Variants in PRPS2 observed in about 807,000 individuals in gnomAD.
PRPS2 encodes phosphoribosyl pyrophosphate synthetase 2.
For missense variants in PRPS2, 104 were observed against 271.5 expected (o/e 0.38, Z 4.34); for synonymous variants, 111 against 115.3 (o/e 0.96, Z 0.24).
intron 2 of PRPS2, among the ~76,000 whole-genome samples, chrX:12,803,624 A>G (rs768763333): frequency 8.9e-6 from 1 of 112,524 alleles, no homozygotes; most frequent in South Asian, 3.7e-4. Context: ...ATGAGGTAGC[A>G]TCTAGTGTTC....
At chrX:12,818,366 CAAAAAAAAAAAA>C (rs35450855) in intron 4 of PRPS2, among the ~76,000 whole-genome samples, 17 of 62,920 alleles carry the variant, frequency 2.7e-4, no homozygotes, top group Non-Finnish European at 5.0e-4. Flanking sequence ...GAAACTGTCT[CAAAAAAAAAAAA>C]AAAAAAGAAA....
intron 2 of PRPS2, among the ~76,000 whole-genome samples, chrX:12,802,407 C>T (rs2042574670): frequency 9.0e-6 from 1 of 111,685 alleles, no homozygotes; most frequent in Admixed American, 9.6e-5. Context: ...GCAGTGGTGC[C>T]GTCTCAGCTC....
intron 4 of PRPS2, among the ~76,000 whole-genome samples, chrX:12,814,034 G>T (rs2042635995): frequency 3.0e-5 from 3 of 100,795 alleles, no homozygotes; most frequent in African/African-American, 1.1e-4. Context: ...AATTTATTTT[G>T]GAATAAAGAA....
intron 2 of PRPS2, among the ~76,000 whole-genome samples, chrX:12,808,753 C>G (rs2042607603): frequency 8.9e-6 from 1 of 112,014 alleles, no homozygotes; most frequent in Non-Finnish European, 1.9e-5. Context: ...GGTCTCTTGA[C>G]CTCAGTGATC....
intron 1 of PRPS2, among the ~76,000 whole-genome samples, chrX:12,792,070 C>T (rs2042522383): frequency 8.8e-6 from 1 of 113,273 alleles, no homozygotes; most frequent in Non-Finnish European, 1.9e-5. Context: ...CCCTACAAAG[C>T]TGAACCTCAG....
intron 6 of PRPS2, among the ~76,000 whole-genome samples, chrX:12,822,485 TC>T (rs2042680969): frequency 8.9e-6 from 1 of 112,448 alleles, no homozygotes; most frequent in African/African-American, 3.2e-5. Context: ...ATTGAAAATC[TC>T]CCTTCCAGGA....
chrX:12,792,057 C>A (rs2042522272), intron 1 of PRPS2, among the ~76,000 whole-genome samples: 1 of 113,204 alleles, frequency 8.8e-6, no homozygotes, highest in African/African-American at 3.2e-5. Context: ...CCAGTTTCCG[C>A]GTCCCTACAA....
At chrX:12,817,689 G>T (rs755680217) in intron 4 of PRPS2, among the ~76,000 whole-genome samples, 1 of 111,472 alleles carries the variant, frequency 9.0e-6, no homozygotes, top group African/African-American at 3.3e-5. Context: ...AACGCAATGC[G>T]CTGTATCCAC....
chrX:12,810,530 A>T (rs929497724), intron 4 of PRPS2, among the ~76,000 whole-genome samples: 1 of 111,625 alleles, frequency 9.0e-6, no homozygotes, highest in Non-Finnish European at 1.9e-5. Context: ...ATTTTTTTTT[A>T]AAAGAAATCT....
intron 2 of PRPS2, among the ~76,000 whole-genome samples, chrX:12,802,638 C>T (rs759386652): frequency 1.8e-5 from 2 of 112,426 alleles, no homozygotes; most frequent in Non-Finnish European, 3.8e-5. Flanking sequence ...CGCGCCCAGC[C>T]GGCTTTAACT....
At chrX:12,809,900 T>C (rs2042614382) in intron 3 of PRPS2, 122 bp from the exon 4 acceptor site, 3 of 977,887 alleles carry the variant, frequency 3.1e-6, no homozygotes, top group Non-Finnish European at 4.0e-6. Context: ...GAGTCTGTTA[T>C]AAAAGCTTCT....
At chrX:12,803,618 G>C (rs2042580164) in intron 2 of PRPS2, among the ~76,000 whole-genome samples, 3 of 112,355 alleles carry the variant, frequency 2.7e-5, no homozygotes, top group African/African-American at 9.7e-5. Flanking sequence ...GGATACATGA[G>C]GTAGCATCTA....
In PRPS2 at chrX:12,820,581, C is replaced by T. The variant is rs184807063; in HGVS notation, c.705-63C>T. 18 of 1,107,939 alleles carry T rather than the reference C, an allele frequency of 1.6e-5. No individual in the cohort carries two copies. In the East Asian group the frequency reaches 4.0e-4, roughly 24 times the overall value. The allele number at this position is 1,107,939 out of a possible 1,213,427, so 91.3% of individuals were successfully genotyped here. On this transcript the variant is annotated intron_variant, in intron 5 of 6. Transcript: ENST00000380668. The stretch of plus-strand genomic sequence containing the variant: ...ACACTTTGTGCTTTTACCATTCATA[C>T]TAGGGGAGAGTATTCCAAGAATATT...
intron 4 of PRPS2, among the ~76,000 whole-genome samples, chrX:12,817,583 C>G (rs1310980037): frequency 9.1e-6 from 1 of 109,926 alleles, no homozygotes; most frequent in Non-Finnish European, 1.9e-5. Context: ...GACAGGGACT[C>G]AAACAGATAC....
chrX:12,817,467 A>AC (rs2042653560), intron 4 of PRPS2, among the ~76,000 whole-genome samples: 1 of 35,686 alleles, frequency 2.8e-5, no homozygotes, highest in Non-Finnish European at 5.7e-5. Flanking sequence ...GATGTTCCTC[A>AC]TAAAAAAAAA....
intron 4 of PRPS2, among the ~76,000 whole-genome samples, chrX:12,817,924 T>G (rs1224697316): frequency 9.0e-6 from 1 of 111,178 alleles, no homozygotes; most frequent in African/African-American, 3.3e-5. Context: ...TTAAGGGGTG[T>G]GGGGTTTCCT....
At chrX:12,808,603 C>T (rs188558071) in intron 2 of PRPS2, among the ~76,000 whole-genome samples, 39 of 112,336 alleles carry the variant, frequency 3.5e-4, no homozygotes, top group Admixed American at 3.2e-3. Flanking sequence ...TATTATCAAT[C>T]CCCTTACAGT....
chrX:12,810,357 C>T (rs1037674367), intron 4 of PRPS2: 3 of 429,517 alleles, frequency 7.0e-6, no homozygotes, highest in Non-Finnish European at 7.7e-6. Context: ...TACAGAGACA[C>T]ACATACACAA....
At chrX:12,807,857 A>G (rs1345005262) in intron 2 of PRPS2, among the ~76,000 whole-genome samples, 2 of 99,970 alleles carry the variant, frequency 2.0e-5, no homozygotes, top group African/African-American at 7.3e-5. Context: ...TTGAACATAC[A>G]TGCATACCTT....
Sources: allele counts gnomAD v4.1 joint callset (sites outside exome capture counted in the v4.1 genomes callset), GRCh38; gene constraint gnomAD v4.1.1; transcripts MANE v1.5; gene names NCBI Gene and HGNC (gene_info 2026-07-23, HGNC 2026-07-21).